The following PLEC variants were observed in gnomAD, a reference collection of about 807,000 sequenced individuals.
PLEC encodes hemidesmosomal protein 1.
Under a neutral mutation model 392.8 loss-of-function variants are expected in PLEC, and 216 were observed. The observed-to-expected ratio is 0.55, with a 90% CI of 0.49 to 0.62. The LOEUF (loss-of-function observed/expected upper bound fraction) is 0.62. Among genes scored for constraint, PLEC ranks in the 20% least tolerant of loss-of-function variants. The probability of loss-of-function intolerance (pLI) is 0.00; values close to 1 mark genes in which losing one functional copy is unlikely to be tolerated. For synonymous variants in PLEC, 3,621 were observed against 2,980.6 expected (o/e 1.21, Z -7.00); for missense variants, 6,863 against 6,563.4 (o/e 1.05, Z -1.58).
rs782532633 is a variant in PLEC, at chr8:143,930,259, G to A, written c.2497C>T (p.Pro833Ser). The A allele has an allele frequency of 1.2e-5, 20 of 1,601,340 alleles. No individual in the cohort carries two copies. Among genetic ancestry groups the A allele is most frequent in the Non-Finnish European group, 1.7e-5 (20 of 1,178,294 alleles). The change falls in exon 21 of 32, where the codon CCT becomes TCT. Residue 833 changes from proline (P) to serine (S), a missense_variant. Transcript: ENST00000345136. ...HKGDECQLVG[P>S]AQPSHWKVLS... ...ACCTTCCAGTGGGACGGCTGTGCAGGGCCCACCAGCTGGCACTCGTCACCC... is the reference window on the plus strand; with the variant it reads ...ACCTTCCAGTGGGACGGCTGTGCAGAGCCCACCAGCTGGCACTCGTCACCC...
rs782440209 is a variant in PLEC, at chr8:143,916,436, C to G, written c.13385G>C (p.Arg4462Pro). 9 of 1,611,790 alleles carry G rather than the reference C, an allele frequency of 5.6e-6. No individual in the cohort carries two copies. The highest frequency in any genetic ancestry group is 6.8e-6 in the Non-Finnish European group (8 of 1,179,470). Residue 4462 changes from arginine to proline, a missense_variant, in exon 32 of 32, where the codon CGG becomes CCG. Arg to Pro is a moderately radical substitution (Grantham distance 103). Transcript: ENST00000345136. The part of the protein sequence containing the change: ...RSMVEEGTGL[R>P]LLEAAAQSTK... ...GGACTGCGCGGCAGCCTCCAGCAGCCGCAGCCCCGTGCCCTCCTCCACCAT... is the reference window on the plus strand; with the variant it reads ...GGACTGCGCGGCAGCCTCCAGCAGCGGCAGCCCCGTGCCCTCCTCCACCAT...
At chr8:143,941,503 G>A (rs954033879), upstream of PLEC, among the ~76,000 whole-genome samples, 7 of 152,210 alleles carry the variant, frequency 4.6e-5, no homozygotes, top group South Asian at 2.1e-4. Flanking sequence ...GGCTGGGACC[G>A]GGTGAGGAGA....
chr8:143,933,690 G>A (rs1453549590), intron 12 of PLEC, among the ~76,000 whole-genome samples: 1 of 152,132 alleles, frequency 6.6e-6, no homozygotes, highest in Non-Finnish European at 1.5e-5. Context: ...CAGTGGGTTG[G>A]GCCCTCCCCC....
At chr8:143,929,370 G>A in intron 24 of PLEC, 44 bp downstream of exon 24, 1 of 1,382,540 alleles carries the variant, frequency 7.2e-7, no homozygotes, top group Admixed American at 1.9e-5. Flanking sequence ...TGGGAGGAGG[G>A]ATGGGGAGAG....
rs371801559 is a variant in PLEC at position 143,933,103 on chromosome 8, C to T, written c.1427G>A (p.Arg476His). The change falls in exon 14 of 32, where the codon CGT (arginine) becomes CAT (histidine). Residue 476 changes from arginine to histidine, a missense_variant. Physicochemically the swap from Arg to His is conservative, Grantham distance 29. Coordinates refer to ENST00000345136, the MANE Select transcript of PLEC (RefSeq NM_201384.3). Reference protein sequence around the residue: ...QGEQMYRRVYRLHERLVAIRT... With the variant: ...QGEQMYRRVYHLHERLVAIRT... The stretch of plus-strand genomic sequence containing the variant: ...GATGGCTACCAGGCGCTCGTGCAGA[C>T]GGTACACCCTGGGGCAGCAGAGGAC... 27 of 1,591,684 alleles carry T rather than the reference C, an allele frequency of 1.7e-5. No individual in the cohort carries two copies. Among genetic ancestry groups the T allele is most frequent in the Middle Eastern group, 1.7e-4 (1 of 5,718 alleles).
At chr8:143,944,653 A>G in intron 1 of PLEC, 1 of 1,346,482 alleles carries the variant, frequency 7.4e-7, no homozygotes, top group South Asian at 2.2e-5. Context: ...CCTACCGGGC[A>G]CGATCTTCAT....
At chr8:143,952,990 C>CT (rs1832348443), upstream of PLEC, among the ~76,000 whole-genome samples, 1 of 102,876 alleles carries the variant, frequency 9.7e-6, no homozygotes, top group African/African-American at 3.1e-5. Context: ...CGGCATGCGC[C>CT]ACCCCCCCCC....
At position 143,932,049 on chromosome 8, in the gene PLEC, C is replaced by G; in HGVS notation, c.2083-17G>C. On this transcript the variant is annotated splice_polypyrimidine_tract_variant and intron_variant, in intron 17 of 31. Transcript: ENST00000345136. ...CTGGAAGGACTGCGGGACAGCAGGT[C>G]CCGGTCAGGCCCCGCCCCGCCCCGC... 2 of 1,566,846 alleles carry G rather than the reference C, an allele frequency of 1.3e-6. No homozygotes were observed. Among genetic ancestry groups the G allele is most frequent in the Non-Finnish European group, 1.7e-6 (2 of 1,156,342 alleles).
chr8:143,942,156 C>A (rs185180854), upstream of PLEC, among the ~76,000 whole-genome samples: 79 of 147,448 alleles, frequency 5.4e-4, no homozygotes, highest in South Asian at 2.5e-3. Context: ...GGGCCAGCCC[C>A]GCCCCCTCCA....
At chr8:143,968,130 T>G (rs1405922078) in intron 1 of PLEC, among the ~76,000 whole-genome samples, 1 of 147,332 alleles carries the variant, frequency 6.8e-6, no homozygotes, top group East Asian at 2.0e-4. Flanking sequence ...AGAGCGAGAC[T>G]TCGTCTCAAA....
intron 25 of PLEC, among the ~76,000 whole-genome samples, chr8:143,928,322 G>A (rs189976610): frequency 1.4e-4 from 22 of 152,396 alleles, no homozygotes; most frequent in East Asian, 5.8e-4. Context: ...GCCTGGAAGC[G>A]TAGTTCTCAG....
chr8:143,937,071 C>G lies in PLEC; in HGVS notation c.343G>C (p.Val115Leu), dbSNP rs1175276086. The change falls in exon 5 of 32, where the codon GTG becomes CTG. Residue 115 changes from valine to leucine, a missense_variant and splice_region_variant. Transcript: ENST00000345136. ...IALDYLRHRQ[V>L]KLVNIRNDDI... ...TCATTCCTGATGTTCACCAGCTTCA[C>G]CTGTGAGCGAGGGGCTCTCGGTCAC... The G allele has an allele frequency of 1.9e-6, 3 of 1,612,658 alleles. No homozygotes were observed. Among genetic ancestry groups the G allele is most frequent in the Non-Finnish European group, 2.5e-6 (3 of 1,179,614 alleles).
At chr8:143,953,981 A>C (rs1488688595), upstream of PLEC, 26 of 1,264,762 alleles carry the variant, frequency 2.1e-5, no homozygotes, top group East Asian at 5.4e-4. Flanking sequence ...CCTCCCCCCC[A>C]GCCTGTGGTT....
At chr8:143,975,931 GA>G, upstream of PLEC, among the ~76,000 whole-genome samples, 1 of 152,152 alleles carries the variant, frequency 6.6e-6, no homozygotes, top group African/African-American at 2.4e-5. This position sits in a 1 kb window ranked among gnomAD's most constrained non-coding sequence, Gnocchi z 9.9. Context: ...AAGGAAAGCT[GA>G]CCACCGCCCC....
At position 143,924,217 on chromosome 8, in the gene PLEC, G is replaced by C; in HGVS notation, c.5712C>G (p.Ser1904Arg). 6.3e-7 allele frequency: 1 copy of C among 1,598,484 alleles called. No homozygotes were observed. Among genetic ancestry groups the C allele is most frequent in the Middle Eastern group, 1.7e-4 (1 of 6,052 alleles). Reference protein sequence around the residue: ...RLAQLRKASDSELERQKGLVE... With the variant: ...RLAQLRKASDRELERQKGLVE... The stretch of plus-strand genomic sequence containing the variant: ...CCAGCCCCTTCTGCCGCTCCAGCTC[G>C]CTGTCCGATGCCTTGCGCAGCTGGG... Residue 1904 changes from serine (S) to arginine (R), a missense_variant, in exon 31 of 32, where the codon AGC (serine) becomes AGG (arginine). By Grantham distance (110) the Ser-to-Arg change is moderately radical. Transcript: ENST00000345136.
intron 1 of PLEC, among the ~76,000 whole-genome samples, chr8:143,961,917 C>T (rs782093441): frequency 2.9e-4 from 44 of 152,138 alleles, no homozygotes; most frequent in Non-Finnish European, 5.4e-4. Flanking sequence ...AGAGATCCTC[C>T]CACCTCAGGC....
chr8:143,921,737 C>G lies in PLEC; in HGVS notation c.8084G>C (p.Arg2695Pro). ...REDVRHYLQG[R>P]SSIAGLLLKA... ...CAGCAACAGCCCTGCGATACTGCTG[C>G]GGCCCTGCAGGTAGTGGCGCACGTC... Residue 2695 changes from arginine to proline, a missense_variant, in exon 32 of 32, where the codon CGC becomes CCC. Transcript: ENST00000345136. 6.2e-7 allele frequency: 1 copy of G among 1,612,700 alleles called. No homozygotes were observed. Among genetic ancestry groups the G allele is most frequent in the Non-Finnish European group, 8.5e-7 (1 of 1,179,884 alleles).
rs782563909 is a variant in PLEC, at chr8:143,922,899, G to A, written c.7030C>T (p.Arg2344Trp). The A allele has an allele frequency of 4.7e-5, 74 of 1,589,282 alleles. 1 individual carries two copies. The South Asian group carries it at 6.6e-4, about 14-fold the overall frequency. The part of the protein sequence containing the change: ...QQKELAQEQA[R>W]RLQEDKEQMA... ...TGCTCCTTGTCCTCCTGCAGCCGCC[G>A]CGCCTGCTCCTGCGCAAGCTCCTTC... The change falls in exon 31 of 32, where the codon CGG becomes TGG. Residue 2344 changes from arginine to tryptophan, a missense_variant. Physicochemically the swap from Arg to Trp is moderately radical, Grantham distance 101. Coordinates refer to ENST00000345136, the MANE Select transcript of PLEC (RefSeq NM_201384.3).
At position 143,922,796 on chromosome 8, in the gene PLEC, A is replaced by G. The variant is rs868977936; in HGVS notation, c.7133T>C (p.Met2378Thr). ...CTTGAGGCGCTCAGCCTCAGCGCTC[A>G]TCTCCAGCTGCCGCTGCCGCTCGGC... Reference protein sequence around the residue: ...LEAERQRQLEMSAEAERLKLR... With the variant: ...LEAERQRQLETSAEAERLKLR... The change falls in exon 31 of 32, where the codon ATG becomes ACG. Residue 2378 changes from methionine (M) to threonine (T), a missense_variant. Coordinates refer to ENST00000345136, the MANE Select transcript of PLEC (RefSeq NM_201384.3). 6 of 1,593,676 alleles carry G rather than the reference A, an allele frequency of 3.8e-6. No individual in the cohort carries two copies. Among genetic ancestry groups the G allele is most frequent in the Non-Finnish European group, 4.3e-6 (5 of 1,173,280 alleles).
Sources: allele counts gnomAD v4.1 joint callset (sites outside exome capture counted in the v4.1 genomes callset), GRCh38; gene constraint gnomAD v4.1.1; non-coding constraint Gnocchi (gnomAD v3.1); transcripts MANE v1.5; gene names NCBI Gene and HGNC (gene_info 2026-07-23, HGNC 2026-07-21).